The following NKAIN2 variants were observed in gnomAD, a reference collection of about 807,000 sequenced individuals.
NKAIN2 encodes the protein sodium/potassium transporting ATPase interacting 2, also known as sodium/potassium-transporting ATPase subunit beta-1-interacting protein 2.
NKAIN2 carries 14 observed loss-of-function variants against 32.6 expected under a neutral mutation model. The observed-to-expected ratio is 0.43, with a 90% CI of 0.28 to 0.67. NKAIN2 has a LOEUF of 0.67. Among genes scored for constraint, NKAIN2 ranks in the 30% least tolerant of loss-of-function variants. The pLI, the probability that NKAIN2 is intolerant of heterozygous loss-of-function variation, is 0.17. For missense variants in NKAIN2, 198 were observed against 258.3 expected (o/e 0.77, Z 1.60); for synonymous variants, 80 against 87.2 (o/e 0.92, Z 0.46).
intron 1 of NKAIN2, among the ~76,000 whole-genome samples, chr6:124,140,977 C>T (rs1787104407): frequency 6.6e-6 from 1 of 152,160 alleles, no homozygotes; most frequent in African/African-American, 2.4e-5. Flanking sequence ...TTGAGACCTT[C>T]AGCTATTAGA....
intron 1 of NKAIN2, among the ~76,000 whole-genome samples, chr6:123,830,096 T>C (rs2114910395): frequency 6.6e-6 from 1 of 152,250 alleles, no homozygotes; most frequent in Non-Finnish European, 1.5e-5. Flanking sequence ...TCTCGCCCCG[T>C]GTGCTGTCAT....
chr6:124,598,743 C>A (rs1166621802), intron 3 of NKAIN2, among the ~76,000 whole-genome samples: 1 of 151,462 alleles, frequency 6.6e-6, no homozygotes, highest in East Asian at 1.9e-4. Flanking sequence ...AGAACCTAAA[C>A]CACATGACCA....
chr6:124,110,843 G>A (rs938282899), intron 1 of NKAIN2, among the ~76,000 whole-genome samples: 6 of 152,136 alleles, frequency 3.9e-5, no homozygotes, highest in Admixed American at 2.6e-4. Flanking sequence ...TGTGAATAGC[G>A]CTGAGATGGA....
At chr6:124,742,125 G>A (rs1427862698) in intron 4 of NKAIN2, among the ~76,000 whole-genome samples, 2 of 151,818 alleles carry the variant, frequency 1.3e-5, no homozygotes, top group African/African-American at 2.4e-5. Context: ...CTCTGGCTCT[G>A]TTTTGTCATT....
At chr6:124,551,204 A>G (rs1780274594) in intron 3 of NKAIN2, among the ~76,000 whole-genome samples, 2 of 152,324 alleles carry the variant, frequency 1.3e-5, no homozygotes, top group East Asian at 1.9e-4. Context: ...ATTAAACTGG[A>G]TAAGGGAACA....
chr6:124,153,180 T>C (rs1392646550), intron 1 of NKAIN2, among the ~76,000 whole-genome samples: 1 of 151,886 alleles, frequency 6.6e-6, no homozygotes. Context: ...AAGATAAATG[T>C]TGAGGTGATG....
intron 1 of NKAIN2, among the ~76,000 whole-genome samples, chr6:123,997,477 C>G (rs1405787638): frequency 6.6e-6 from 1 of 151,870 alleles, no homozygotes; most frequent in Non-Finnish European, 1.5e-5. Context: ...CAACCAGCAA[C>G]ACTTAGGAAA....
At chr6:124,801,345 TATAATC>T (rs1258233368) in intron 5 of NKAIN2, among the ~76,000 whole-genome samples, 8 of 152,238 alleles carry the variant, frequency 5.3e-5, no homozygotes, top group Non-Finnish European at 1.0e-4. Flanking sequence ...TGGAATTGTG[TATAATC>T]ATAAAGTTAT....
chr6:124,252,600 G>A (rs2114812916), intron 1 of NKAIN2, among the ~76,000 whole-genome samples: 1 of 152,048 alleles, frequency 6.6e-6, no homozygotes, highest in African/African-American at 2.4e-5. Flanking sequence ...ATAAATATAT[G>A]TATGTGTGTA....
chr6:124,697,493 C>T (rs1228995442), intron 4 of NKAIN2, among the ~76,000 whole-genome samples: 2 of 152,122 alleles, frequency 1.3e-5, no homozygotes, highest in African/African-American at 4.8e-5. Flanking sequence ...TATGAGTACA[C>T]TTCTGTGTCT....
chr6:124,508,497 T>C (rs996476084), intron 3 of NKAIN2, among the ~76,000 whole-genome samples: 3 of 49,494 alleles, frequency 6.1e-5, no homozygotes, highest in Non-Finnish European at 9.2e-5. Flanking sequence ...GGCGCCACCA[T>C]GCCCGGCTAA....
chr6:124,176,913 TA>T (rs1466337289), intron 1 of NKAIN2, among the ~76,000 whole-genome samples: 1 of 152,122 alleles, frequency 6.6e-6, no homozygotes, highest in African/African-American at 2.4e-5. Context: ...TATTAACTTT[TA>T]CCCATCTTAT....
chr6:124,020,132 C>G (rs1780800272), intron 1 of NKAIN2, among the ~76,000 whole-genome samples: 1 of 152,074 alleles, frequency 6.6e-6, no homozygotes, highest in African/African-American at 2.4e-5. Context: ...AGCAGAGGCA[C>G]CTTTTTTCTC....
chr6:124,409,606 T>C (rs551442801), intron 3 of NKAIN2, among the ~76,000 whole-genome samples: 2,293 of 152,310 alleles, frequency 0.015, 62 homozygotes, highest in African/African-American at 0.052. Context: ...CAGTATTTTA[T>C]TGAGGATTTT....
chr6:124,503,224 G>T (rs1778360380), intron 3 of NKAIN2, among the ~76,000 whole-genome samples: 1 of 151,850 alleles, frequency 6.6e-6, no homozygotes, highest in African/African-American at 2.4e-5. Flanking sequence ...ACATTATATT[G>T]AATTTTAACT....
At chr6:124,426,959 T>G (rs1775009124) in intron 3 of NKAIN2, among the ~76,000 whole-genome samples, 1 of 152,194 alleles carries the variant, frequency 6.6e-6, no homozygotes, top group East Asian at 1.9e-4. Flanking sequence ...CATGTAGAAC[T>G]GTGAGTCCAT....
chr6:124,386,835 A>G (rs1382199660), intron 3 of NKAIN2, among the ~76,000 whole-genome samples: 2 of 152,136 alleles, frequency 1.3e-5, no homozygotes, highest in Non-Finnish European at 2.9e-5. Flanking sequence ...TTATTTGTAA[A>G]CTATTGATTT....
At chr6:124,527,905 A>G (rs1055385288) in intron 3 of NKAIN2, among the ~76,000 whole-genome samples, 4 of 152,234 alleles carry the variant, frequency 2.6e-5, no homozygotes, top group African/African-American at 9.6e-5. Context: ...AAGTCTAGTT[A>G]GATAACTTCA....
chr6:124,012,121 T>C (rs533696665), intron 1 of NKAIN2, among the ~76,000 whole-genome samples: 5 of 152,098 alleles, frequency 3.3e-5, no homozygotes, highest in Admixed American at 1.3e-4. Context: ...TATGTATGTA[T>C]ATAGCATGAA....
Sources: gnomAD v4.1 joint callset for allele counts (sites outside exome capture counted in the v4.1 genomes callset) on GRCh38, gnomAD v4.1.1 for gene constraint, MANE v1.5 for transcripts, NCBI Gene and HGNC (gene_info 2026-07-23, HGNC 2026-07-21) for gene names.